Variants in GCC2 observed in about 807,000 individuals in gnomAD.
The protein encoded by GCC2 is GRIP and coiled-coil domain-containing protein 2.
Under a neutral mutation model 210.6 loss-of-function variants are expected in GCC2, and 120 were observed. That is an observed-to-expected ratio of 0.57 (90% CI 0.49 to 0.66). The LOEUF is 0.66. Among genes scored for constraint, GCC2 ranks in the 30% least tolerant of loss-of-function variants. GCC2 has a pLI of 0.00. For missense variants in GCC2, 1,868 were observed against 1,871.9 expected, an observed-to-expected ratio of 1.00 and a Z score of 0.04; for synonymous variants, 703 against 652.7, an observed-to-expected ratio of 1.08 and a Z score of -1.17.
intron 9 of GCC2, among the ~76,000 whole-genome samples, chr2:108,476,392 A>G (rs188477445): frequency 6.6e-6 from 1 of 152,242 alleles, no homozygotes; most frequent in Admixed American, 6.5e-5. Flanking sequence ...TTATAAAAGT[A>G]AAATTTTGTT....
intron 9 of GCC2, among the ~76,000 whole-genome samples, chr2:108,478,853 C>A (rs1460211343): frequency 6.6e-6 from 1 of 152,106 alleles, no homozygotes; most frequent in Non-Finnish European, 1.5e-5. Context: ...GATCTTCTTT[C>A]TATGGAAAAG....
chr2:108,454,464 T>C (rs1680138420), intron 4 of GCC2, among the ~76,000 whole-genome samples: 1 of 152,252 alleles, frequency 6.6e-6, no homozygotes, highest in Non-Finnish European at 1.5e-5. Context: ...TGTGCACAAA[T>C]GTCATTTCAT....
intron 7 of GCC2, among the ~76,000 whole-genome samples, chr2:108,474,231 A>G (rs907565806): frequency 6.6e-6 from 1 of 152,148 alleles, no homozygotes; most frequent in South Asian, 2.1e-4. Flanking sequence ...GACCAGAGAC[A>G]TTTTTCCATT....
chr2:108,471,591 T>G lies in GCC2; in HGVS notation c.2262T>G (p.Phe754Leu), dbSNP rs916577022. The G allele has an allele frequency of 1.2e-6, 2 of 1,612,296 alleles. No individual in the cohort carries two copies. Among genetic ancestry groups the G allele is most frequent in the Non-Finnish European group, 1.7e-6 (2 of 1,179,334 alleles). The change falls in exon 6 of 23, where the codon TTT (phenylalanine) becomes TTG (leucine). Residue 754 changes from phenylalanine to leucine, a missense_variant. Around this residue, in one of 3 missense-constraint regions of GCC2, gnomAD observed 1,847 missense variants for 1,765.2 expected, o/e 1.05. Transcript: ENST00000309863. ...AAAATGAGCAAGTTCAGAAGTTATT[T>G]GTTAAAACTCAGTTGTATGGTTTTC... ...LLENEQVQKL[F>L]VKTQLYGFLK...
chr2:108,488,031 G>C (rs1056796647), intron 17 of GCC2, among the ~76,000 whole-genome samples: 3 of 150,288 alleles, frequency 2.0e-5, no homozygotes, highest in Non-Finnish European at 4.4e-5. Context: ...TCAACCTCCT[G>C]AGTAGCTGGG....
intron 4 of GCC2, among the ~76,000 whole-genome samples, chr2:108,453,940 T>C (rs1044916103): frequency 5.9e-5 from 9 of 152,144 alleles, no homozygotes; most frequent in African/African-American, 2.2e-4. Context: ...TCTGAAATAC[T>C]GTTTTCACTG....
chr2:108,505,298 T>C (rs1045655079), intron 22 of GCC2, among the ~76,000 whole-genome samples: 1 of 152,224 alleles, frequency 6.6e-6, no homozygotes, highest in Non-Finnish European at 1.5e-5. Flanking sequence ...TCACTTGAAA[T>C]ACATAACCAG....
chr2:108,494,019 T>A (rs940567302), intron 19 of GCC2: 1 of 717,460 alleles, frequency 1.4e-6, no homozygotes, highest in Admixed American at 6.3e-5. Flanking sequence ...GTCATTAAAT[T>A]TCTCTGAACT....
Position 108,489,889 on chromosome 2 carries a change from C to T in GCC2, c.4104C>T (p.Ser1368=). 6.2e-7 allele frequency: 1 copy of T among 1,608,372 alleles called. No individual in the cohort carries two copies. The highest frequency in any genetic ancestry group is 8.5e-7 in the Non-Finnish European group (1 of 1,177,098). Residue 1368 remains serine (S), a synonymous_variant, in exon 18 of 23, where the codon AGC becomes AGT. Transcript: ENST00000309863. ...AGCTAAAAATCAAATTACAAGATAG[C>T]CAAAATAACTTACAGATTAATGTAT... is the stretch of plus-strand genomic sequence containing the variant. The part of the protein sequence containing the change: ...IDQLKIKLQD[S]QNNLQINVSE...
chr2:108,503,065 G>A (rs1683008647), intron 22 of GCC2, among the ~76,000 whole-genome samples: 1 of 151,864 alleles, frequency 6.6e-6, no homozygotes, highest in African/African-American at 2.4e-5. Context: ...GGAGAGAAAA[G>A]AATACAGCAC....
chr2:108,489,107 T>C (rs945252711), intron 17 of GCC2, among the ~76,000 whole-genome samples: 3 of 152,196 alleles, frequency 2.0e-5, no homozygotes, highest in African/African-American at 7.2e-5. Flanking sequence ...GAATCAGGAT[T>C]TTAACTATCT....
chr2:108,485,331 AAAAG>A (rs1298791835), intron 13 of GCC2, among the ~76,000 whole-genome samples: 1 of 152,024 alleles, frequency 6.6e-6, no homozygotes, highest in Non-Finnish European at 1.5e-5. Context: ...TTAAAAAAAA[AAAAG>A]AAAAAAAAAA....
At chr2:108,507,514 C>CT in intron 22 of GCC2, 46 bp from the exon 23 acceptor site, 1 of 1,394,004 alleles carries the variant, frequency 7.2e-7, no homozygotes. Context: ...TTAATACTCT[C>CT]TTTTTTCTTT....
chr2:108,483,302 C>T (rs1231383742), intron 12 of GCC2, 136 bp downstream of exon 12: 3 of 547,798 alleles, frequency 5.5e-6, no homozygotes, highest in African/African-American at 2.0e-5. Flanking sequence ...CGGCTCACTG[C>T]AACCTCCGCC....
intron 21 of GCC2, among the ~76,000 whole-genome samples, chr2:108,499,351 A>C (rs994991710): frequency 2.0e-5 from 3 of 151,562 alleles, no homozygotes; most frequent in African/African-American, 7.3e-5. Flanking sequence ...TTCATGTCAA[A>C]TGGATTTTAT....
chr2:108,494,385 A>C lies in GCC2; in HGVS notation c.4448-906A>C, dbSNP rs2378143. 29 of 152,346 alleles carry C rather than the reference A, an allele frequency of 1.9e-4. 1 individual carries two copies. The highest frequency in any genetic ancestry group is 6.5e-4 in the African/African-American group (27 of 41,542). The allele number at this position is 152,346 out of a possible 1,614,324, so 9.4% of individuals were successfully genotyped here. On this transcript the variant is annotated intron_variant, in intron 19 of 22. Coordinates refer to ENST00000309863, the MANE Select transcript of GCC2 (RefSeq NM_181453.4). ...TGAGACCCTGTCTCAGAAAAAAAAA[A>C]AACACTATACAGTTTATCAGCAAAC... is the stretch of plus-strand genomic sequence containing the variant.
At chr2:108,501,216 A>C (rs1682912448) in intron 22 of GCC2, among the ~76,000 whole-genome samples, 1 of 151,934 alleles carries the variant, frequency 6.6e-6, no homozygotes, top group Non-Finnish European at 1.5e-5. Flanking sequence ...CAATCTCCTG[A>C]CCTTGTGATC....
At position 108,471,991 on chromosome 2, in the gene GCC2, A is replaced by G. The variant is rs1681255512; in HGVS notation, c.2662A>G (p.Thr888Ala). Residue 888 changes from threonine (T) to alanine (A), a missense_variant, in exon 6 of 23, where the codon ACA becomes GCA. Physicochemically the swap from Thr to Ala is moderately conservative, Grantham distance 58. Coordinates refer to ENST00000309863, the MANE Select transcript of GCC2 (RefSeq NM_181453.4). ...AATTCAAGTTGAAGAAGTATCTCAA[A>G]CATGTAGCAAAAGTGAAATCCATAA... ...LLIQVEEVSQTCSKSEIHNEK... is the reference protein window; with the variant it reads ...LLIQVEEVSQACSKSEIHNEK... The G allele has an allele frequency of 3.7e-6, 6 of 1,602,734 alleles. No individual in the cohort carries two copies.
intron 15 of GCC2, 55 bp downstream of exon 15, chr2:108,485,963 T>G: frequency 1.5e-5 from 12 of 785,892 alleles, no homozygotes; most frequent in Non-Finnish European, 2.3e-5. Flanking sequence ...AGAAGTGAGG[T>G]ACCATTTAGA....
Sources: gnomAD v4.1 joint callset for allele counts (sites outside exome capture counted in the v4.1 genomes callset) on GRCh38, gnomAD v4.1.1 for gene constraint, gnomAD v4.1.1 regional missense constraint, MANE v1.5 for transcripts, NCBI Gene and HGNC (gene_info 2026-07-23, HGNC 2026-07-21) for gene names.